NFIB: variants seen among roughly 807,000 people sequenced by gnomAD.
NFIB encodes nuclear factor 1 B-type.
Under a neutral mutation model 61.5 loss-of-function variants are expected in NFIB, and 11 were observed. The observed-to-expected ratio is 0.18, with a 90% CI of 0.11 to 0.30. NFIB has a LOEUF of 0.30. NFIB is among the 10% of genes least tolerant of loss of function. The probability of loss-of-function intolerance (pLI) is 1.00; values close to 1 mark genes in which losing one functional copy is unlikely to be tolerated. For missense variants in NFIB, 471 were observed against 608.9 expected, an observed-to-expected ratio of 0.77 and a Z score of 2.38; for synonymous variants, 260 against 216.5, an observed-to-expected ratio of 1.20 and a Z score of -1.76.
chr9:14,344,036 G>T (rs912918013), intron 1 of NFIB, among the ~76,000 whole-genome samples: 1 of 151,356 alleles, frequency 6.6e-6, no homozygotes, highest in Non-Finnish European at 1.5e-5. Flanking sequence ...AAATGGCCTA[G>T]CAAATAAGTA....
rs181998508 is a variant in NFIB, at chr9:14,379,319, A to G, written c.108+19205T>C. ...GGAGTGGAAAGACAGAGCTATTGAA[A>G]GAGCAGGAACAGGTATTTTACTTCA... On this transcript the variant is annotated intron_variant, in intron 1 of 8. Coordinates refer to the NFIB transcript ENST00000380934. Among the ~76,000 whole-genome samples, 257 of 152,340 alleles carry G rather than the reference A, an allele frequency of 1.7e-3. 1 individual carries two copies. The highest frequency in any genetic ancestry group is 5.9e-3 in the African/African-American group (245 of 41,578).
At chr9:14,182,279 G>C (rs1037065189) in intron 2 of NFIB, among the ~76,000 whole-genome samples, 1 of 152,074 alleles carries the variant, frequency 6.6e-6, no homozygotes, top group Non-Finnish European at 1.5e-5. Context: ...AAAATGATCT[G>C]GTGTTTACTG....
the NFIB span, among the ~76,000 whole-genome samples, chr9:14,426,764 A>C: frequency 1.3e-5 from 2 of 152,074 alleles, no homozygotes; most frequent in African/African-American, 4.8e-5. Context: ...CTGCTTTGAT[A>C]TGGGCCCCTC....
intron 1 of NFIB, among the ~76,000 whole-genome samples, chr9:14,376,155 G>A (rs1223984073): frequency 1.3e-5 from 2 of 152,108 alleles, no homozygotes. Flanking sequence ...TAAACTCCTG[G>A]GCTCAAGTGA....
chr9:14,240,293 T>C (rs1242679564), intron 2 of NFIB, among the ~76,000 whole-genome samples: 1 of 152,042 alleles, frequency 6.6e-6, no homozygotes, highest in Non-Finnish European at 1.5e-5. Context: ...CAATAGATAA[T>C]ATTACCCTAC....
intron 2 of NFIB, among the ~76,000 whole-genome samples, chr9:14,183,426 CAG>C (rs1433013522): frequency 1.3e-5 from 2 of 148,302 alleles, no homozygotes; most frequent in East Asian, 2.0e-4. Flanking sequence ...TTTTTTGAGA[CAG>C]AGTCTTGCTC....
intron 2 of NFIB, among the ~76,000 whole-genome samples, chr9:14,225,282 A>G (rs7034346): frequency 0.14 from 21,862 of 151,696 alleles, 1,680 homozygotes; most frequent in Middle Eastern, 0.18. Context: ...TTAAGAAGCC[A>G]GTTATTGTTT....
chr9:14,356,895 T>G (rs555851334), intron 1 of NFIB, among the ~76,000 whole-genome samples: 8 of 152,340 alleles, frequency 5.3e-5, no homozygotes, highest in East Asian at 1.9e-4. Flanking sequence ...AGATCCTGTT[T>G]TTAAGGATAT....
At chr9:14,393,421 C>T (rs184240694) in intron 1 of NFIB, among the ~76,000 whole-genome samples, 28 of 152,270 alleles carry the variant, frequency 1.8e-4, no homozygotes, top group African/African-American at 6.3e-4. Flanking sequence ...GATTGGAAGT[C>T]GTGTTACCCT....
intron 2 of NFIB, among the ~76,000 whole-genome samples, chr9:14,211,718 C>T (rs940261910): frequency 2.6e-5 from 4 of 152,222 alleles, no homozygotes; most frequent in Non-Finnish European, 5.9e-5. Flanking sequence ...CTGAGCTGTG[C>T]TTCCCCAGCT....
the NFIB span, among the ~76,000 whole-genome samples, chr9:14,530,126 T>C: frequency 3.9e-5 from 6 of 152,188 alleles, no homozygotes; most frequent in African/African-American, 1.4e-4. Context: ...GAATATTGAT[T>C]TTAAAACTCA....
At chr9:14,228,085 A>T (rs1453860147) in intron 2 of NFIB, among the ~76,000 whole-genome samples, 2 of 152,196 alleles carry the variant, frequency 1.3e-5, no homozygotes, top group African/African-American at 4.8e-5. Context: ...AGTAACCAGT[A>T]GAAGGAATCT....
intron 1 of NFIB, among the ~76,000 whole-genome samples, chr9:14,320,519 T>G (rs1175544189): frequency 1.3e-5 from 2 of 152,202 alleles, no homozygotes; most frequent in Non-Finnish European, 2.9e-5. Flanking sequence ...ACCTCAAATG[T>G]AAAACTGGAA....
At chr9:14,398,726 C>G in exon 1 of NFIB, 2 of 793,130 alleles carry the variant, frequency 2.5e-6, no homozygotes, top group East Asian at 5.6e-5. Context: ...AGTACCTTAG[C>G]AAACGCAGCT....
chr9:14,522,378 T>C, the NFIB span, among the ~76,000 whole-genome samples: 2 of 152,172 alleles, frequency 1.3e-5, no homozygotes. Context: ...ACATCTTTGG[T>C]GCCAATAAAA....
chr9:14,150,270 G>A lies in NFIB; in HGVS notation c.686-5C>T, dbSNP rs1310612927. 2 of 1,613,160 alleles carry A rather than the reference G, an allele frequency of 1.2e-6. No individual in the cohort carries two copies. The highest frequency in any genetic ancestry group is 2.2e-5 in the East Asian group (1 of 44,862). On this transcript the variant is annotated splice_region_variant and splice_polypyrimidine_tract_variant and intron_variant, in intron 4 of 10. Coordinates refer to ENST00000380953, the MANE Select transcript of NFIB (RefSeq NM_001190737.2). The stretch of plus-strand genomic sequence containing the variant: ...CAGTTCCCTGGGTTATGGGCGCTGA[G>A]GAATAAGACAAAGAAGCACTGGGAA...
At chr9:14,391,160 A>G (rs1258552780) in intron 1 of NFIB, among the ~76,000 whole-genome samples, 1 of 152,210 alleles carries the variant, frequency 6.6e-6, no homozygotes, top group Admixed American at 6.5e-5. Flanking sequence ...CAGGAGAGTA[A>G]CTTTTTAGCG....
intron 2 of NFIB, among the ~76,000 whole-genome samples, chr9:14,183,759 C>G (rs949471141): frequency 2.0e-5 from 3 of 152,040 alleles, no homozygotes; most frequent in Non-Finnish European, 4.4e-5. Flanking sequence ...TTTTTGGAGG[C>G]AGCCAACCAA....
chr9:14,492,358 G>A, the NFIB span, among the ~76,000 whole-genome samples: 1 of 126,168 alleles, frequency 7.9e-6, no homozygotes, highest in Admixed American at 8.2e-5. Context: ...GTGAGACTTT[G>A]CCTCAAAATA....
Sources: allele counts gnomAD v4.1 joint callset (sites outside exome capture counted in the v4.1 genomes callset), GRCh38; gene constraint gnomAD v4.1.1; transcripts MANE v1.5; gene names NCBI Gene and HGNC (gene_info 2026-07-23, HGNC 2026-07-21).